The following ZFAT variants were observed in gnomAD, a reference collection of about 807,000 sequenced individuals.
ZFAT encodes the protein zinc finger protein ZFAT.
A neutral mutation model predicts 117.7 loss-of-function variants in ZFAT; 64 were observed. The observed-to-expected ratio is 0.54, with a 90% CI of 0.44 to 0.67. ZFAT has a LOEUF of 0.67. Ranked by LOEUF, ZFAT falls within the 30% of genes least tolerant of loss-of-function variation. The pLI is 0.00. For missense variants in ZFAT, 1,433 were observed against 1,584.5 expected, an observed-to-expected ratio of 0.90 and a Z score of 1.62; for synonymous variants, 679 against 615.0, an observed-to-expected ratio of 1.10 and a Z score of -1.54.
intron 12 of ZFAT, among the ~76,000 whole-genome samples, chr8:134,530,284 G>A (rs1014979167): frequency 6.6e-6 from 1 of 152,236 alleles, no homozygotes; most frequent in Non-Finnish European, 1.5e-5. Context: ...TTTTGGGGGA[G>A]TAGAAGAGGA....
intron 3 of ZFAT, among the ~76,000 whole-genome samples, chr8:134,613,417 G>C (rs561574432): frequency 6.6e-6 from 1 of 152,316 alleles, no homozygotes; most frequent in Admixed American, 6.5e-5. Context: ...AGAACCGGGG[G>C]GCTGGACGTG....
At chr8:134,735,137 G>A in the ZFAT span, among the ~76,000 whole-genome samples, 1 of 152,108 alleles carries the variant, frequency 6.6e-6, no homozygotes, top group Non-Finnish European at 1.5e-5. Flanking sequence ...TGTCAATGTT[G>A]GAAAGATTTT....
the ZFAT span, among the ~76,000 whole-genome samples, chr8:134,743,026 C>T: frequency 6.6e-6 from 1 of 152,220 alleles, no homozygotes; most frequent in African/African-American, 2.4e-5. Flanking sequence ...AACTGCTTCA[C>T]CCCAGTTGAC....
At chr8:134,568,054 C>A (rs569037550) in intron 10 of ZFAT, among the ~76,000 whole-genome samples, 3 of 152,220 alleles carry the variant, frequency 2.0e-5, no homozygotes, top group Non-Finnish European at 4.4e-5. Context: ...TACCCCAGCA[C>A]ATGAGTGCAC....
chr8:134,513,648 T>G (rs1159750595), intron 13 of ZFAT, among the ~76,000 whole-genome samples: 3 of 152,176 alleles, frequency 2.0e-5, no homozygotes, highest in Non-Finnish European at 4.4e-5. Context: ...ATGTTAATAA[T>G]TATCTCTTTC....
chr8:134,532,062 A>C (rs1821460024), intron 12 of ZFAT, among the ~76,000 whole-genome samples: 1 of 152,142 alleles, frequency 6.6e-6, no homozygotes, highest in African/African-American at 2.4e-5. Context: ...AGATATAAAT[A>C]CAACAGAATT....
the ZFAT span, among the ~76,000 whole-genome samples, chr8:134,762,565 T>C: frequency 6.6e-6 from 1 of 152,328 alleles, no homozygotes; most frequent in East Asian, 1.9e-4. Context: ...TGTTTGCTAG[T>C]TTCTCTTTCT....
intron 1 of ZFAT, among the ~76,000 whole-genome samples, chr8:134,692,042 G>A (rs1225963776): frequency 3.3e-5 from 5 of 152,102 alleles, no homozygotes; most frequent in African/African-American, 1.2e-4. Context: ...TTTTAGTAGA[G>A]ACAGGGTTTC....
At chr8:134,703,731 A>G (rs980194067) in intron 1 of ZFAT, among the ~76,000 whole-genome samples, 3 of 152,236 alleles carry the variant, frequency 2.0e-5, no homozygotes, top group African/African-American at 7.2e-5. Context: ...TACAGAAATG[A>G]TAGTTATGAC....
chr8:134,558,648 G>T (rs1430622358), intron 11 of ZFAT, among the ~76,000 whole-genome samples: 2 of 152,050 alleles, frequency 1.3e-5, no homozygotes, highest in Non-Finnish European at 2.9e-5. Flanking sequence ...TATAAACCAC[G>T]ATCAGGCTGG....
the ZFAT span, among the ~76,000 whole-genome samples, chr8:134,812,698 T>C: frequency 6.6e-6 from 1 of 152,194 alleles, no homozygotes; most frequent in South Asian, 2.1e-4. Flanking sequence ...ATTATGCCAC[T>C]GTACTCCAGC....
intron 7 of ZFAT, among the ~76,000 whole-genome samples, chr8:134,590,996 C>T (rs1826462836): frequency 6.6e-6 from 1 of 152,194 alleles, no homozygotes; most frequent in Admixed American, 6.5e-5. Context: ...ATGGCATCAG[C>T]TCCATTTCAG....
intron 3 of ZFAT, among the ~76,000 whole-genome samples, chr8:134,614,039 AAC>A (rs1828544758): frequency 6.6e-6 from 1 of 152,196 alleles, no homozygotes; most frequent in Non-Finnish European, 1.5e-5. Flanking sequence ...TATCTTGACT[AAC>A]ACACTCTCCG....
chr8:134,795,924 C>G, the ZFAT span: 2 of 152,150 alleles, frequency 1.3e-5, no homozygotes, highest in African/African-American at 4.8e-5. Context: ...TTCAGCATGT[C>G]AAAGCCCCAT....
intron 11 of ZFAT, among the ~76,000 whole-genome samples, chr8:134,558,591 T>C (rs555462362): frequency 6.6e-6 from 1 of 152,302 alleles, no homozygotes; most frequent in South Asian, 2.1e-4. Flanking sequence ...TAGAAAAATA[T>C]TTAGAGTGAG....
chr8:134,539,342 G>A (rs1404366626), intron 11 of ZFAT, among the ~76,000 whole-genome samples: 2 of 152,236 alleles, frequency 1.3e-5, no homozygotes, highest in Non-Finnish European at 1.5e-5. Context: ...CAAGAAGGCT[G>A]TCATCAGGTA....
At chr8:134,566,465 T>C (rs1824478124) in intron 10 of ZFAT, among the ~76,000 whole-genome samples, 1 of 151,140 alleles carries the variant, frequency 6.6e-6, no homozygotes, top group Non-Finnish European at 1.5e-5. Flanking sequence ...TTAAAACAAA[T>C]TAATAGATAT....
chr8:134,787,980 T>C, the ZFAT span, among the ~76,000 whole-genome samples: 3 of 152,164 alleles, frequency 2.0e-5, no homozygotes, highest in Admixed American at 1.3e-4. Flanking sequence ...CAAATTTCTA[T>C]GCACACAACC....
intron 15 of ZFAT, among the ~76,000 whole-genome samples, chr8:134,506,134 G>A (rs1196400565): frequency 2.6e-5 from 4 of 152,026 alleles, no homozygotes; most frequent in African/African-American, 9.7e-5. Context: ...TTTCCTGTGC[G>A]GCTAGCTGTC....
Sources: allele counts gnomAD v4.1 joint callset (sites outside exome capture counted in the v4.1 genomes callset), GRCh38; gene constraint gnomAD v4.1.1; transcripts MANE v1.5; gene names NCBI Gene and HGNC (gene_info 2026-07-23, HGNC 2026-07-21).